RAB18: variants seen among roughly 807,000 people sequenced by gnomAD.
RAB18 encodes ras-related protein Rab-18.
A neutral mutation model predicts 28.5 loss-of-function variants in RAB18; 10 were observed. The ratio of observed to expected loss-of-function variants is 0.35; its 90% confidence interval spans 0.22 to 0.60. The LOEUF (loss-of-function observed/expected upper bound fraction) is 0.60, where lower values mean the gene tolerates loss of function less well. Among genes scored for constraint, RAB18 ranks in the 20% least tolerant of loss-of-function variants. The pLI is 0.78. For synonymous variants in RAB18, 93 were observed against 86.9 expected, an observed-to-expected ratio of 1.07 and a Z score of -0.39; for missense variants, 188 against 244.2, an observed-to-expected ratio of 0.77 and a Z score of 1.53.
In RAB18 at chr10:27,541,674, A is replaced by C. The variant is rs1019742068; in HGVS notation, c.*3623A>C. On this transcript the variant is annotated 3_prime_UTR_variant, in exon 7 of 7. Transcript: ENST00000356940. ...CCTCTTTTTTAACCGGAGAAGCAAC[A>C]AATTACGTAGTTTTTTTTGTGTTTC... 2.2e-6 allele frequency: 1 copy of C among 445,890 alleles called. No homozygotes were observed. The highest frequency in any genetic ancestry group is 2.0e-5 in the African/African-American group (1 of 48,944). 27.6% of individuals were successfully genotyped at this position (445,890 alleles called of 1,614,324 possible).
At chr10:27,521,369 A>G (rs573550546) in intron 2 of RAB18, among the ~76,000 whole-genome samples, 11 of 152,278 alleles carry the variant, frequency 7.2e-5, no homozygotes, top group African/African-American at 2.4e-4. Context: ...AAAATCTCCG[A>G]CTGTTTATCC....
intron 2 of RAB18, among the ~76,000 whole-genome samples, chr10:27,523,611 CTTTTTTTTTTT>C: frequency 7.6e-6 from 1 of 131,320 alleles, no homozygotes; most frequent in East Asian, 2.1e-4. Context: ...CCATTTTTAC[CTTTTTTTTTTT>C]TTTTTTTTGA....
At chr10:27,523,758 G>T (rs961078912) in intron 2 of RAB18, among the ~76,000 whole-genome samples, 10 of 151,864 alleles carry the variant, frequency 6.6e-5, no homozygotes, top group African/African-American at 2.2e-4. Flanking sequence ...GACTACAGGC[G>T]CAAGCCACCA....
At chr10:27,527,703 A>G (rs2132399341) in intron 3 of RAB18, among the ~76,000 whole-genome samples, 1 of 152,208 alleles carries the variant, frequency 6.6e-6, no homozygotes, top group South Asian at 2.1e-4. Context: ...CAGTCATCAA[A>G]TCGAGACTTA....
At chr10:27,525,317 T>C (rs1351348845) in intron 2 of RAB18, among the ~76,000 whole-genome samples, 2 of 152,180 alleles carry the variant, frequency 1.3e-5, no homozygotes, top group East Asian at 3.9e-4. Context: ...CTGTAGAGTG[T>C]GCATGACAGA....
intron 1 of RAB18, chr10:27,505,184 GT>G: frequency 1.9e-6 from 1 of 528,578 alleles, no homozygotes; most frequent in Non-Finnish European, 3.9e-6. Context: ...GTGGAGTTGA[GT>G]ATAAGGTAAG....
chr10:27,536,406 A>G (rs146436174), intron 6 of RAB18, among the ~76,000 whole-genome samples: 8 of 152,180 alleles, frequency 5.3e-5, no homozygotes, highest in South Asian at 2.1e-4. Context: ...TCAGCTGTGT[A>G]TAGTGGCATG....
chr10:27,505,586 A>G (rs571084054), intron 1 of RAB18, among the ~76,000 whole-genome samples: 2 of 152,284 alleles, frequency 1.3e-5, no homozygotes, highest in East Asian at 3.9e-4. Context: ...TTTGAGACGG[A>G]GTCTCGCTCT....
intron 1 of RAB18, among the ~76,000 whole-genome samples, chr10:27,507,945 A>C (rs1294160630): frequency 6.6e-6 from 1 of 151,888 alleles, no homozygotes; most frequent in African/African-American, 2.4e-5. Flanking sequence ...TGGGGGGCTA[A>C]GGTGGGAGGA....
In RAB18 at chr10:27,519,477, A is replaced by G. The variant is rs181839335; in HGVS notation, c.125-7351A>G. Among the ~76,000 whole-genome samples the G allele has an allele frequency of 3.2e-4, 49 of 152,240 alleles. 2 individuals carry two copies. The highest frequency in any genetic ancestry group is 1.1e-3 in the African/African-American group (45 of 41,590). On this transcript the variant is annotated intron_variant, in intron 2 of 6. Coordinates refer to ENST00000356940, the MANE Select transcript of RAB18 (RefSeq NM_021252.5). ...ATCCAGATTGGAAAAGAAGAATGTA[A>G]AAATCCACAGGAATACAAAATCCAT...
intron 2 of RAB18, among the ~76,000 whole-genome samples, chr10:27,511,927 T>C (rs993991186): frequency 6.6e-6 from 1 of 152,152 alleles, no homozygotes; most frequent in East Asian, 1.9e-4. Context: ...TCTATGTATC[T>C]TGTTTGGAAT....
Position 27,540,562 on chromosome 10 carries a change from T to C in RAB18, c.*2511T>C, listed in dbSNP as rs1404789460. On this transcript the variant is annotated 3_prime_UTR_variant, in exon 7 of 7. Transcript: ENST00000356940. ...TGATGTAAACCTACCTCATAAGTCA[T>C]GTGACATAAAAGTTAAGGTAGTGGA... 2.2e-6 allele frequency: 1 copy of C among 454,144 alleles called. No individual in the cohort carries two copies. The highest frequency in any genetic ancestry group is 2.3e-5 in the Admixed American group (1 of 42,574). The allele number at this position is 454,144 out of a possible 1,614,324, so 28.1% of individuals were successfully genotyped here.
chr10:27,534,170 A>G (rs1423382316), intron 6 of RAB18, among the ~76,000 whole-genome samples, 176 bp downstream of exon 6: 2 of 152,200 alleles, frequency 1.3e-5, no homozygotes, highest in Admixed American at 6.5e-5. Flanking sequence ...TTCCTGTAAA[A>G]TGTATGATCA....
rs773743679 is a variant in RAB18, at chr10:27,540,362, A to G, written c.*2311A>G. 1 of 453,980 alleles carries G rather than the reference A, an allele frequency of 2.2e-6. No individual in the cohort carries two copies. The highest frequency in any genetic ancestry group is 2.0e-5 in the African/African-American group (1 of 50,016). The allele number at this position is 453,980 out of a possible 1,614,324, so 28.1% of individuals were successfully genotyped here. On this transcript the variant is annotated 3_prime_UTR_variant, in exon 7 of 7. Coordinates refer to ENST00000356940, the MANE Select transcript of RAB18 (RefSeq NM_021252.5). ...TCAGTCACTGAGCTGGATTCCAGTC[A>G]TGGCATTTTTACTTCTGAGCCCATA...
intron 1 of RAB18, chr10:27,505,144 A>G (rs1837788626): frequency 1.9e-6 from 1 of 533,216 alleles, no homozygotes; most frequent in Non-Finnish European, 3.8e-6. Flanking sequence ...TTCATTTTTT[A>G]CTTTTTCCTT....
intron 1 of RAB18, 75 bp from the exon 2 acceptor site, chr10:27,509,785 TAATAATTTGTGACCA>T (rs1464539831): frequency 8.4e-6 from 9 of 1,067,482 alleles, no homozygotes; most frequent in African/African-American, 1.6e-5. Context: ...TATCTGCATC[TAATAATTTGTGACCA>T]AATAATCATG....
chr10:27,542,036 A>G lies in RAB18; in HGVS notation c.*3985A>G. ...GGAGCAATTGAAGACATCTTGTTGGAGATAGTGTGCTGGGAGGAGTCACAT... is the reference window on the plus strand; with the variant it reads ...GGAGCAATTGAAGACATCTTGTTGGGGATAGTGTGCTGGGAGGAGTCACAT... On this transcript the variant is annotated 3_prime_UTR_variant, in exon 7 of 7. Coordinates refer to ENST00000356940, the MANE Select transcript of RAB18 (RefSeq NM_021252.5). The G allele has an allele frequency of 2.2e-6, 1 of 454,058 alleles. No homozygotes were observed. Among genetic ancestry groups the G allele is most frequent in the Non-Finnish European group, 4.4e-6 (1 of 226,778 alleles). The allele number at this position is 454,058 out of a possible 1,614,324, so 28.1% of individuals were successfully genotyped here. A position where few individuals can be genotyped will look rare whatever the true frequency, so the allele number is the denominator to read the frequency against.
At chr10:27,511,964 C>CT (rs1432488449) in intron 2 of RAB18, among the ~76,000 whole-genome samples, 1 of 150,316 alleles carries the variant, frequency 6.7e-6, no homozygotes, top group Non-Finnish European at 1.5e-5. Context: ...CTTTTTTTTT[C>CT]TTTTTTTGTG....
intron 6 of RAB18, among the ~76,000 whole-genome samples, chr10:27,535,986 G>A (rs1311394850): frequency 6.6e-6 from 1 of 151,994 alleles, no homozygotes; most frequent in Non-Finnish European, 1.5e-5. Context: ...GGGAGGCTGA[G>A]GCAGGAGAAT....
Sources: gnomAD v4.1 joint callset for allele counts (sites outside exome capture counted in the v4.1 genomes callset) on GRCh38, gnomAD v4.1.1 for gene constraint, MANE v1.5 for transcripts, NCBI Gene and HGNC (gene_info 2026-07-23, HGNC 2026-07-21) for gene names.